Variants in CLASP2 observed in about 807,000 individuals in gnomAD.
CLASP2 encodes the protein CLIP-associating protein 2.
A neutral mutation model predicts 194.4 loss-of-function variants in CLASP2; 47 were observed. The ratio of observed to expected loss-of-function variants is 0.24; its 90% CI spans 0.19 to 0.31. The LOEUF (loss-of-function observed/expected upper bound fraction) is 0.31, where lower values mean the gene tolerates loss of function less well. Among genes scored for constraint, CLASP2 ranks in the 10% least tolerant of loss-of-function variants. The pLI is 1.00. For synonymous variants in CLASP2, 619 were observed against 633.5 expected (o/e 0.98, Z 0.34); for missense variants, 1,445 against 1,823.6 (o/e 0.79, Z 3.78).
chr3:33,517,195 T>C, intron 34 of CLASP2, 21 bp from the exon 35 acceptor site: 3 of 1,590,554 alleles, frequency 1.9e-6, no homozygotes, highest in Non-Finnish European at 2.6e-6. Flanking sequence ...GACATGGTAT[T>C]AGTTCTATAA....
chr3:33,599,336 TG>T (rs1192680472), intron 18 of CLASP2, among the ~76,000 whole-genome samples: 1 of 152,062 alleles, frequency 6.6e-6, no homozygotes, highest in Non-Finnish European at 1.5e-5. Flanking sequence ...TTGCCCAGGC[TG>T]GTCTCAAATT....
intron 13 of CLASP2, among the ~76,000 whole-genome samples, chr3:33,609,918 G>A (rs1269352053): frequency 1.3e-5 from 2 of 152,166 alleles, no homozygotes; most frequent in Non-Finnish European, 1.5e-5. Flanking sequence ...AAATTAACTT[G>A]CTCAAAGTGA....
chr3:33,507,657 A>AT lies in CLASP2; in HGVS notation c.4317+2900dup, dbSNP rs572124760. ...CCATCACGCCTGGCTAATTTTTAAA[A>AT]TTTTTTTGTAGCAACAGTTTCTTAT... On this transcript the variant is annotated intron_variant, in intron 37 of 38. Coordinates refer to ENST00000682230, the MANE Select transcript of CLASP2 (RefSeq NM_001365631.1). Among the ~76,000 whole-genome samples the AT allele has an allele frequency of 1.2e-4, 18 of 151,944 alleles. No individual in the cohort carries two copies. The East Asian group carries it at 3.1e-3, about 26-fold the overall frequency.
At chr3:33,514,547 C>A (rs1349744527) in intron 36 of CLASP2, 1 of 166,094 alleles carries the variant, frequency 6.0e-6, no homozygotes, top group Non-Finnish European at 1.4e-5. Context: ...TTTGATTTGT[C>A]TTTTGCTTCT....
At chr3:33,573,060 C>CA (rs1560096606) in intron 25 of CLASP2, 50 bp downstream of exon 25, 2 of 1,597,776 alleles carry the variant, frequency 1.3e-6, no homozygotes, top group Non-Finnish European at 1.7e-6. Context: ...AAAGTAAAAT[C>CA]AAAAAGCGCT....
chr3:33,646,701 G>T (rs1363299599), intron 7 of CLASP2, among the ~76,000 whole-genome samples: 1 of 151,726 alleles, frequency 6.6e-6, no homozygotes, highest in Non-Finnish European at 1.5e-5. Flanking sequence ...TCAAACTACT[G>T]GGAAATTAAT....
intron 1 of CLASP2, among the ~76,000 whole-genome samples, chr3:33,712,642 T>C (rs1327725391): frequency 1.3e-5 from 2 of 152,034 alleles, no homozygotes; most frequent in African/African-American, 4.8e-5. Flanking sequence ...TTCCGGAATA[T>C]CATAATCACC....
rs778696774 is a variant in CLASP2, at chr3:33,604,207, C to T, written c.1697G>A (p.Arg566His). The T allele has an allele frequency of 2.6e-6, 4 of 1,555,488 alleles. No homozygotes were observed. The highest frequency in any genetic ancestry group is 2.6e-6 in the Non-Finnish European group (3 of 1,148,172). Residue 566 changes from arginine to histidine, a missense_variant and splice_region_variant, in exon 17 of 39, where the codon CGC becomes CAC. Arg to His is a conservative substitution (Grantham distance 29). This residue lies in a region of CLASP2 where 174 missense variants were observed against 179.0 expected (regional missense o/e 0.97). Transcript: ENST00000682230. ...TGTAGACCATTTGGAAGAAAAAGGGCGACTGCAAAGTATAAAAAATGCTTT... is the reference window on the plus strand; with the variant it reads ...TGTAGACCATTTGGAAGAAAAAGGGTGACTGCAAAGTATAAAAAATGCTTT... ...SSSSSQESLN[R>H]PFSSKWSTAN... is the part of the protein sequence containing the mutation.
At chr3:33,565,360 T>A (rs2062521934) in intron 27 of CLASP2, among the ~76,000 whole-genome samples, 1 of 151,902 alleles carries the variant, frequency 6.6e-6, no homozygotes, top group Admixed American at 6.6e-5. Flanking sequence ...TTTGTACTTT[T>A]AGTAGAGATA....
At chr3:33,640,630 C>T (rs1466446068) in intron 8 of CLASP2, among the ~76,000 whole-genome samples, 1 of 152,056 alleles carries the variant, frequency 6.6e-6, no homozygotes, top group African/African-American at 2.4e-5. Flanking sequence ...GCTTCAATGA[C>T]AAATCACTAA....
At chr3:33,651,612 C>A (rs1000019282) in intron 7 of CLASP2, among the ~76,000 whole-genome samples, 1 of 149,136 alleles carries the variant, frequency 6.7e-6, no homozygotes, top group Non-Finnish European at 1.5e-5. Context: ...TTTCTCACTT[C>A]GGGAAAGACA....
At chr3:33,684,998 T>C (rs897826856) in intron 5 of CLASP2, among the ~76,000 whole-genome samples, 1 of 141,572 alleles carries the variant, frequency 7.1e-6, no homozygotes, top group African/African-American at 2.7e-5. Flanking sequence ...CAAGACTCCA[T>C]CTCAAAATAA....
intron 6 of CLASP2, among the ~76,000 whole-genome samples, chr3:33,675,663 G>A (rs1050946658): frequency 6.7e-6 from 1 of 149,224 alleles, no homozygotes; most frequent in Non-Finnish European, 1.5e-5. Flanking sequence ...GTTTGCAGAT[G>A]ACATGATTGT....
chr3:33,624,432 A>G (rs1191122843), intron 10 of CLASP2, among the ~76,000 whole-genome samples: 1 of 152,154 alleles, frequency 6.6e-6, no homozygotes, highest in Non-Finnish European at 1.5e-5. Context: ...ATATGGTAGG[A>G]TAAAATTACC....
At chr3:33,581,782 T>C (rs771192820) in intron 23 of CLASP2, 39 bp downstream of exon 23, 3 of 1,392,756 alleles carry the variant, frequency 2.2e-6, no homozygotes, top group Non-Finnish European at 1.0e-6. Flanking sequence ...GATAACACCA[T>C]GGATAAGCAA....
At chr3:33,546,005 G>C (rs189858257) in intron 30 of CLASP2, among the ~76,000 whole-genome samples, 11 of 152,058 alleles carry the variant, frequency 7.2e-5, no homozygotes, top group African/African-American at 2.7e-4. Context: ...CATGTTAATA[G>C]TGCTTAAATA....
chr3:33,592,293 T>G, intron 21 of CLASP2, 102 bp downstream of exon 21: 1 of 852,068 alleles, frequency 1.2e-6, no homozygotes, highest in Non-Finnish European at 1.9e-6. Flanking sequence ...TAAATTAGCT[T>G]TGTCTTTATC....
At chr3:33,521,055 C>T (rs1442620968) in intron 34 of CLASP2, among the ~76,000 whole-genome samples, 2 of 151,994 alleles carry the variant, frequency 1.3e-5, no homozygotes, top group Non-Finnish European at 2.9e-5. Flanking sequence ...AGGATGGGGA[C>T]ATGTTAGAAG....
chr3:33,554,166 C>G (rs1160638794), intron 29 of CLASP2, among the ~76,000 whole-genome samples: 2 of 150,242 alleles, frequency 1.3e-5, no homozygotes. Context: ...AGGTGGAGTT[C>G]CAGTGAACCG....
Sources: gnomAD v4.1 joint callset for allele counts (sites outside exome capture counted in the v4.1 genomes callset) on GRCh38, gnomAD v4.1.1 for gene constraint, gnomAD v4.1.1 regional missense constraint, MANE v1.5 for transcripts, NCBI Gene and HGNC (gene_info 2026-07-23, HGNC 2026-07-21) for gene names.